The following MAP4K2 variants were observed in gnomAD, a reference collection of about 807,000 sequenced individuals.
MAP4K2 encodes the protein mitogen-activated protein kinase kinase kinase kinase 2.
A neutral mutation model predicts 125.3 loss-of-function variants in MAP4K2; 85 were observed. The observed-to-expected ratio is 0.68, with a 90% CI of 0.57 to 0.81. MAP4K2 has a LOEUF of 0.81. MAP4K2 is among the 40% of genes least tolerant of loss of function. MAP4K2 has a pLI of 0.00. For synonymous variants in MAP4K2, 479 were observed against 445.1 expected, an observed-to-expected ratio of 1.08 and a Z score of -0.96; for missense variants, 923 against 1,056.4, an observed-to-expected ratio of 0.87 and a Z score of 1.75.
chr11:64,786,967 CT>C lies in MAP4K2; in HGVS notation c.*2569del, dbSNP rs1224067302. 1.3e-5 allele frequency: 2 copies of C among 150,570 alleles called. No homozygotes were observed. The highest frequency in any genetic ancestry group is 4.9e-5 in the African/African-American group (2 of 40,932). The allele number at this position is 150,570 out of a possible 1,614,324, so 9.3% of individuals were successfully genotyped here. ...AAAACTCTCCAGGATATATACATATCTTTTCAGGGTGCATGTGATAATTTAA... is the reference window on the plus strand; with the variant it reads ...AAAACTCTCCAGGATATATACATATCTTTCAGGGTGCATGTGATAATTTAA... On this transcript the variant is annotated 3_prime_UTR_variant, in exon 32 of 32. Coordinates refer to ENST00000294066, the MANE Select transcript of MAP4K2 (RefSeq NM_004579.5).
At position 64,792,041 on chromosome 11, in the gene MAP4K2, G is replaced by A. The variant is rs1432051148; in HGVS notation, c.1960C>T (p.Leu654=). The A allele has an allele frequency of 6.3e-7, 1 of 1,595,910 alleles. No individual in the cohort carries two copies. Among genetic ancestry groups the A allele is most frequent in the South Asian group, 1.1e-5 (1 of 88,346 alleles). The change falls in exon 27 of 32, where the codon CTG becomes TTG. Residue 654 remains leucine, a synonymous_variant. Coordinates refer to ENST00000294066, the MANE Select transcript of MAP4K2 (RefSeq NM_004579.5). Reference sequence around the variant, plus strand: ...GGCAGCTCCTTCCCATCCAGCACCAGCGGCTCCAGCATCCCAGCTGGGCTG... The same window carrying A: ...GGCAGCTCCTTCCCATCCAGCACCAACGGCTCCAGCATCCCAGCTGGGCTG... ...LPSPAGMLEP[L]VLDGKELPQV... is the part of the protein sequence containing the mutation.
At chr11:64,794,732 T>A (rs1325190031) in intron 24 of MAP4K2, among the ~76,000 whole-genome samples, 1 of 152,092 alleles carries the variant, frequency 6.6e-6, no homozygotes, top group East Asian at 1.9e-4. Context: ...ATACTTGCTC[T>A]TCCCCCTGCC....
chr11:64,789,517 C>T lies in MAP4K2; in HGVS notation c.*20G>A. The T allele has an allele frequency of 6.4e-7, 1 of 1,561,112 alleles. No individual in the cohort carries two copies. On this transcript the variant is annotated 3_prime_UTR_variant, in exon 32 of 32. Coordinates refer to ENST00000294066, the MANE Select transcript of MAP4K2 (RefSeq NM_004579.5). The stretch of plus-strand genomic sequence containing the variant: ...AAGGCGTGGGGTGGGGCGGGGAGCC[C>T]CTGGACAGGCCCGCTGCTCTTAGTA...
Position 64,789,140 on chromosome 11 carries a change from AAC to A in MAP4K2, c.*395_*396del. ...CTACCCAGAGGGACCAGAGGACTAA[AAC>A]AAACCAGCTTTAATACCAATATAGT... On this transcript the variant is annotated 3_prime_UTR_variant, in exon 32 of 32. Transcript: ENST00000294066. 2 of 227,846 alleles carry A rather than the reference AAC, an allele frequency of 8.8e-6. No individual in the cohort carries two copies. The highest frequency in any genetic ancestry group is 1.8e-5 in the Non-Finnish European group (2 of 113,386). The allele number at this position is 227,846 out of a possible 1,614,324, so 14.1% of individuals were successfully genotyped here. A position where few individuals can be genotyped will look rare whatever the true frequency, so the allele number is the denominator to read the frequency against.
rs1941285747 is a variant in MAP4K2 at position 64,802,660 on chromosome 11, A to G, written c.155-7T>C. 2.5e-6 allele frequency: 4 copies of G among 1,611,714 alleles called. No homozygotes were observed. The highest frequency in any genetic ancestry group is 3.4e-6 in the Non-Finnish European group (4 of 1,179,060). ...AGGGAGCTGATGTCGTCCCCTGGGA[A>G]GCACAAAGCATCATGGGGAAGGCGC... On this transcript the variant is annotated splice_region_variant and splice_polypyrimidine_tract_variant and intron_variant, in intron 2 of 31. Transcript: ENST00000294066.
chr11:64,800,174 G>T lies in MAP4K2; in HGVS notation c.850C>A (p.Gln284Lys). 6.2e-7 allele frequency: 1 copy of T among 1,613,418 alleles called. No individual in the cohort carries two copies. Among genetic ancestry groups the T allele is most frequent in the Admixed American group, 1.7e-5 (1 of 59,932 alleles). Residue 284 changes from glutamine (Q) to lysine (K), a missense_variant, in exon 12 of 32, where the codon CAG (glutamine) becomes AAG (lysine). By Grantham distance (53) the Gln-to-Lys change is moderately conservative. Coordinates refer to ENST00000294066, the MANE Select transcript of MAP4K2 (RefSeq NM_004579.5). ...GGGTCACTGGCTTTGTCCAGCAGCTGTGTGAGGAGGGCCCGAGGGAGCTGC... is the reference window on the plus strand; with the variant it reads ...GGGTCACTGGCTTTGTCCAGCAGCTTTGTGAGGAGGGCCCGAGGGAGCTGC... ...TQQLPRALLT[Q>K]LLDKASDPHL...
In MAP4K2 at chr11:64,800,750, GGT is replaced by G; in HGVS notation, c.725+12_725+13del. ...ACAGAAAAGGGGGTCCCGGCAGCAG[GGT>G]GTGGCCCTTACCAGCGAGTCTTATC... On this transcript the variant is annotated intron_variant, in intron 10 of 31. Coordinates refer to ENST00000294066, the MANE Select transcript of MAP4K2 (RefSeq NM_004579.5). The G allele has an allele frequency of 1.3e-6, 2 of 1,595,618 alleles. No individual in the cohort carries two copies. Among genetic ancestry groups the G allele is most frequent in the Non-Finnish European group, 1.7e-6 (2 of 1,171,156 alleles).
chr11:64,789,782 T>C lies in MAP4K2; in HGVS notation c.2323A>G (p.Thr775Ala), dbSNP rs1940364545. The C allele has an allele frequency of 6.2e-7, 1 of 1,614,004 alleles. No individual in the cohort carries two copies. The highest frequency in any genetic ancestry group is 8.5e-7 in the Non-Finnish European group (1 of 1,179,986). ...QGRSLDTNEV[T>A]QEITDETRIF... ...CTTGTTTCATCTGTGATCTCCTGGG[T>C]CACCTGGGAAGACAGGTGGGAAGCA... Residue 775 changes from threonine to alanine, a missense_variant, in exon 31 of 32, where the codon ACC (threonine) becomes GCC (alanine). Coordinates refer to ENST00000294066, the MANE Select transcript of MAP4K2 (RefSeq NM_004579.5).
At chr11:64,794,419 G>A (rs1345426191) in intron 24 of MAP4K2, among the ~76,000 whole-genome samples, 1 of 152,016 alleles carries the variant, frequency 6.6e-6, no homozygotes, top group Middle Eastern at 3.4e-3. Context: ...GAGTGCAATG[G>A]TGCGATCTCG....
intron 15 of MAP4K2, among the ~76,000 whole-genome samples, 179 bp from the exon 16 acceptor site, chr11:64,797,843 C>G (rs971249896): frequency 6.6e-6 from 1 of 150,448 alleles, no homozygotes; most frequent in South Asian, 2.1e-4. Flanking sequence ...GTAGCTGGGA[C>G]TACAGGCGCC....
At position 64,797,090 on chromosome 11, in the gene MAP4K2, T is replaced by C. The variant is rs1940854831; in HGVS notation, c.1365+14A>G. The stretch of plus-strand genomic sequence containing the variant: ...AGCCGCCCGTCTCCCCACCCCACTG[T>C]AGCACCCTCTTACCTCAGGATCCTC... On this transcript the variant is annotated intron_variant, in intron 19 of 31. Coordinates refer to ENST00000294066, the MANE Select transcript of MAP4K2 (RefSeq NM_004579.5). The C allele has an allele frequency of 3.1e-6, 5 of 1,614,122 alleles. No homozygotes were observed. Among genetic ancestry groups the C allele is most frequent in the Non-Finnish European group, 2.5e-6 (3 of 1,180,008 alleles).
intron 24 of MAP4K2, among the ~76,000 whole-genome samples, chr11:64,792,721 G>A (rs897689656): frequency 3.9e-5 from 6 of 152,104 alleles, no homozygotes; most frequent in Admixed American, 6.5e-5. Context: ...CCTCAGTTTC[G>A]TCATCTGTAG....
In MAP4K2 at chr11:64,800,830, TG is replaced by T. The variant is rs1207940588; in HGVS notation, c.663-5del. Reference sequence around the variant, plus strand: ...CTTCGACATGAGCATCAGGGCCCTGTGGAGGGCGCGAGGTCAGGGGCCACAG... The same window carrying T: ...CTTCGACATGAGCATCAGGGCCCTGTGAGGGCGCGAGGTCAGGGGCCACAG... On this transcript the variant is annotated splice_polypyrimidine_tract_variant and splice_region_variant and intron_variant, in intron 9 of 31. Transcript: ENST00000294066. 1 of 1,612,746 alleles carries T rather than the reference TG, an allele frequency of 6.2e-7. No individual in the cohort carries two copies. The highest frequency in any genetic ancestry group is 2.2e-5 in the East Asian group (1 of 44,866).
At chr11:64,797,934 T>G (rs1266870330) in intron 15 of MAP4K2, among the ~76,000 whole-genome samples, 1 of 151,538 alleles carries the variant, frequency 6.6e-6, no homozygotes, top group Admixed American at 6.6e-5. Context: ...TTCGATCTCC[T>G]GCCCTTGTGA....
rs932835572 is a variant in MAP4K2 at position 64,792,813 on chromosome 11, T to C, written c.1752-391A>G. Reference sequence around the variant, plus strand: ...AATACAGGGGAGGTGCTCTCGGCAGTGCTGGGAATCGTGTGTGCTCACAGA... The same window carrying C: ...AATACAGGGGAGGTGCTCTCGGCAGCGCTGGGAATCGTGTGTGCTCACAGA... On this transcript the variant is annotated intron_variant, in intron 24 of 31. Transcript: ENST00000294066. Among the ~76,000 whole-genome samples the C allele has an allele frequency of 2.0e-5, 3 of 152,206 alleles. No individual in the cohort carries two copies. The East Asian group carries it at 5.8e-4, about 29-fold the overall frequency.
At position 64,803,143 on chromosome 11, in the gene MAP4K2, G is replaced by C. The variant is rs921922478; in HGVS notation, c.7C>G (p.Leu3Val). 2 of 1,510,466 alleles carry C rather than the reference G, an allele frequency of 1.3e-6. No individual in the cohort carries two copies. The highest frequency in any genetic ancestry group is 2.1e-5 in the Admixed American group (1 of 48,650). 93.6% of individuals were successfully genotyped at this position (1,510,466 alleles called of 1,614,324 possible). The change falls in exon 1 of 32, where the codon CTG becomes GTG. Residue 3 changes from leucine to valine, a missense_variant. Physicochemically the swap from Leu to Val is conservative, Grantham distance 32. Coordinates refer to ENST00000294066, the MANE Select transcript of MAP4K2 (RefSeq NM_004579.5). ...TCCTGCAGCGACACATCCCGCAGCA[G>C]CGCCATGGCCCGGCGCCGGGCGGGC... MALLRDVSLQDPR... is the reference protein window; with the variant it reads MAVLRDVSLQDPR...
In MAP4K2 at chr11:64,789,378, T is replaced by A; in HGVS notation, c.*159A>T. 2 of 643,206 alleles carry A rather than the reference T, an allele frequency of 3.1e-6. No homozygotes were observed. The highest frequency in any genetic ancestry group is 1.8e-5 in the African/African-American group (1 of 54,338). The allele number at this position is 643,206 out of a possible 1,614,324, so 39.8% of individuals were successfully genotyped here. A position where few individuals can be genotyped will look rare whatever the true frequency, so the allele number is the denominator to read the frequency against. ...CAGAGGCGTCGGGGGCTCCCCTCCC[T>A]CCCCAGGCCTGAAACATTTCTCAGG... On this transcript the variant is annotated 3_prime_UTR_variant, in exon 32 of 32. Transcript: ENST00000294066.
chr11:64,788,898 T>A lies in MAP4K2; in HGVS notation c.*639A>T, dbSNP rs979349085. 4 of 153,344 alleles carry A rather than the reference T, an allele frequency of 2.6e-5. No homozygotes were observed. The highest frequency in any genetic ancestry group is 9.7e-5 in the African/African-American group (4 of 41,414). 9.5% of individuals were successfully genotyped at this position (153,344 alleles called of 1,614,324 possible). A position where few individuals can be genotyped will look rare whatever the true frequency, so the allele number is the denominator to read the frequency against. On this transcript the variant is annotated 3_prime_UTR_variant, in exon 32 of 32. Transcript: ENST00000294066. ...CCATCTGCATGAGTCCTTGGGGTGC[T>A]AAACTACAGCAGAGCCCTCAAACTG... is the stretch of plus-strand genomic sequence containing the variant.
chr11:64,795,649 G>A (rs1398409694), intron 24 of MAP4K2, among the ~76,000 whole-genome samples: 2 of 152,100 alleles, frequency 1.3e-5, no homozygotes, highest in Non-Finnish European at 2.9e-5. Context: ...TGATCCATCC[G>A]CCTTGGCCTC....
Sources: allele counts gnomAD v4.1 joint callset (sites outside exome capture counted in the v4.1 genomes callset), GRCh38; gene constraint gnomAD v4.1.1; transcripts MANE v1.5; gene names NCBI Gene and HGNC (gene_info 2026-07-23, HGNC 2026-07-21).